The following CNBD1 variants were observed in gnomAD, a reference collection of about 807,000 sequenced individuals.
The protein encoded by CNBD1 is cyclic nucleotide binding domain containing 1.
CNBD1 carries 71 observed loss-of-function variants against 54.4 expected under a neutral mutation model. The observed-to-expected ratio is 1.30, with a 90% CI of 1.08 to 1.59. The LOEUF (loss-of-function observed/expected upper bound fraction) is 1.59. Ranked by LOEUF, CNBD1 falls within the 40% of genes most tolerant of loss-of-function variation. The pLI, the probability that CNBD1 is intolerant of heterozygous loss-of-function variation, is 0.00. For missense variants in CNBD1, 659 were observed against 518.0 expected, an observed-to-expected ratio of 1.27 and a Z score of -2.64; for synonymous variants, 182 against 170.7, an observed-to-expected ratio of 1.07 and a Z score of -0.51.
intron 4 of CNBD1, among the ~76,000 whole-genome samples, chr8:87,076,884 A>G (rs1157362682): frequency 5.3e-5 from 8 of 152,266 alleles, no homozygotes; most frequent in Non-Finnish European, 1.2e-4. Context: ...CAGAAATTAT[A>G]TGAATTGACT....
intron 6 of CNBD1, among the ~76,000 whole-genome samples, chr8:87,265,465 G>A (rs1808234382): frequency 6.6e-6 from 1 of 152,068 alleles, no homozygotes; most frequent in South Asian, 2.1e-4. Flanking sequence ...TTTGGCTTAG[G>A]ATTGACTTGG....
At chr8:87,361,103 T>C (rs2130936605) in intron 10 of CNBD1, among the ~76,000 whole-genome samples, 1 of 152,066 alleles carries the variant, frequency 6.6e-6, no homozygotes, top group South Asian at 2.1e-4. Flanking sequence ...CTTTCCCCTT[T>C]TGCGTTTTTG....
At chr8:87,403,909 C>A (rs1409523035) in intron 2 of CNBD1, among the ~76,000 whole-genome samples, 3 of 151,992 alleles carry the variant, frequency 2.0e-5, no homozygotes, top group Non-Finnish European at 4.4e-5. Flanking sequence ...CACTCTCCCC[C>A]ATGATGTGAT....
At chr8:86,896,056 T>A (rs1808843201) in intron 2 of CNBD1, among the ~76,000 whole-genome samples, 1 of 152,122 alleles carries the variant, frequency 6.6e-6, no homozygotes, top group Admixed American at 6.5e-5. Context: ...AAGTAGAGGC[T>A]ACTATTGAGT....
At chr8:86,921,988 G>C (rs1486722014) in intron 3 of CNBD1, among the ~76,000 whole-genome samples, 5 of 152,106 alleles carry the variant, frequency 3.3e-5, no homozygotes, top group Admixed American at 6.6e-5. Context: ...GTTGCATTGA[G>C]AGTGCTTACA....
chr8:87,341,744 A>G (rs150683443), intron 8 of CNBD1, among the ~76,000 whole-genome samples: 1 of 152,366 alleles, frequency 6.6e-6, no homozygotes, highest in East Asian at 1.9e-4. Context: ...TGTAGCAACA[A>G]GACATAATCT....
chr8:86,977,405 G>A (rs1028799108), intron 4 of CNBD1, among the ~76,000 whole-genome samples: 1 of 151,660 alleles, frequency 6.6e-6, no homozygotes, highest in Non-Finnish European at 1.5e-5. Flanking sequence ...TCTCTTCTTT[G>A]CTCCTCAGAT....
intron 8 of CNBD1, among the ~76,000 whole-genome samples, chr8:87,311,511 T>C (rs1268186539): frequency 6.6e-6 from 1 of 152,088 alleles, no homozygotes; most frequent in Non-Finnish European, 1.5e-5. Context: ...GAATGTAAAT[T>C]AGTTTAGCCA....
chr8:87,064,635 T>C lies in CNBD1; in HGVS notation c.431+124881T>C, dbSNP rs73693010. Among the ~76,000 whole-genome samples the C allele has an allele frequency of 5.1e-3, 778 of 152,076 alleles. 10 individuals are homozygous for C. Among genetic ancestry groups the C allele is most frequent in the African/African-American group, 0.018 (737 of 41,544 alleles). On this transcript the variant is annotated intron_variant, in intron 4 of 10. Coordinates refer to ENST00000518476, the MANE Select transcript of CNBD1 (RefSeq NM_173538.3). Reference sequence around the variant, plus strand: ...TTATTTGTCTGAAGGAGCACCTTTTTAATATTTCTCTTAGCTCAGATATTC... The same window carrying C: ...TTATTTGTCTGAAGGAGCACCTTTTCAATATTTCTCTTAGCTCAGATATTC...
intron 4 of CNBD1, among the ~76,000 whole-genome samples, chr8:87,062,067 GGTT>G (rs1810559115): frequency 6.6e-6 from 1 of 152,230 alleles, no homozygotes; most frequent in African/African-American, 2.4e-5. Flanking sequence ...AGTGAACTGA[GGTT>G]GTTGATGGTC....
chr8:87,105,649 C>T (rs1168913048), intron 4 of CNBD1, among the ~76,000 whole-genome samples: 5 of 152,094 alleles, frequency 3.3e-5, no homozygotes, highest in Admixed American at 2.0e-4. Flanking sequence ...AAAGCATGGC[C>T]TCCCACCTGA....
chr8:87,106,326 G>A (rs1811536178), intron 4 of CNBD1, among the ~76,000 whole-genome samples: 1 of 151,728 alleles, frequency 6.6e-6, no homozygotes, highest in Non-Finnish European at 1.5e-5. Context: ...CAATTCTCAT[G>A]TCTCAGCCAC....
At chr8:86,951,631 T>A (rs1245982498) in intron 4 of CNBD1, among the ~76,000 whole-genome samples, 5 of 110,638 alleles carry the variant, frequency 4.5e-5, no homozygotes, top group Non-Finnish European at 7.4e-5. Context: ...ATATTGCCCC[T>A]ACCAGTAAAT....
chr8:87,124,305 ATATGT>A (rs932953518), intron 4 of CNBD1, among the ~76,000 whole-genome samples: 5 of 151,826 alleles, frequency 3.3e-5, no homozygotes, highest in Admixed American at 2.6e-4. Context: ...TTCTCCAGAC[ATATGT>A]TAGGTTGCAA....
intron 4 of CNBD1, among the ~76,000 whole-genome samples, chr8:87,028,901 G>A (rs139314215): frequency 6.6e-5 from 10 of 152,172 alleles, no homozygotes; most frequent in African/African-American, 1.7e-4. Context: ...TATTTTCTCT[G>A]CAACAAGGTG....
chr8:87,150,575 G>A (rs754943092), intron 4 of CNBD1, among the ~76,000 whole-genome samples: 7 of 152,188 alleles, frequency 4.6e-5, no homozygotes, highest in African/African-American at 7.2e-5. Context: ...GGCAAGGAAC[G>A]TTTTATTCAA....
chr8:86,906,283 C>A (rs115320692), intron 3 of CNBD1, among the ~76,000 whole-genome samples: 1 of 152,150 alleles, frequency 6.6e-6, no homozygotes, highest in South Asian at 2.1e-4. Flanking sequence ...TTATCCTATA[C>A]CTTTCTTTTC....
At chr8:87,071,947 G>A (rs1484104332) in intron 4 of CNBD1, among the ~76,000 whole-genome samples, 1 of 152,070 alleles carries the variant, frequency 6.6e-6, no homozygotes, top group Non-Finnish European at 1.5e-5. Flanking sequence ...GGGAGTCTAT[G>A]TCTCTTTATA....
At chr8:86,895,237 CTGTGTGTGTGTGCATGGTGTG>C (rs1333020664) in intron 2 of CNBD1, among the ~76,000 whole-genome samples, 3,146 of 145,636 alleles carry the variant, frequency 0.022, 104 homozygotes, top group African/African-American at 0.076. Context: ...ATTTTTTTCT[CTGTGTGTGTGTGCATGGTGTG>C]TGTGTGTGTG....
Sources: gnomAD v4.1 joint callset for allele counts (sites outside exome capture counted in the v4.1 genomes callset) on GRCh38, gnomAD v4.1.1 for gene constraint, MANE v1.5 for transcripts, NCBI Gene and HGNC (gene_info 2026-07-23, HGNC 2026-07-21) for gene names.